The following MLANA variants were observed in gnomAD, a reference collection of about 807,000 sequenced individuals.
MLANA encodes melanoma antigen recognized by T-cells 1.
Under a neutral mutation model 15.7 loss-of-function variants are expected in MLANA, and 21 were observed. That is an observed-to-expected ratio of 1.33 (90% CI 0.95 to 1.92). The LOEUF (loss-of-function observed/expected upper bound fraction) is 1.92, where lower values mean the gene tolerates loss of function less well. MLANA is among the 40% of genes most tolerant of loss of function. The pLI is 0.00. For missense variants in MLANA, 164 were observed against 143.8 expected, an observed-to-expected ratio of 1.14 and a Z score of -0.72; for synonymous variants, 56 against 51.5, an observed-to-expected ratio of 1.09 and a Z score of -0.37.
intron 2 of MLANA, among the ~76,000 whole-genome samples, chr9:5,893,567 T>C (rs2150703): frequency 0.93 from 141,734 of 152,206 alleles, 66,367 homozygotes; most frequent in Non-Finnish European, 0.99. Flanking sequence ...CGGCGGTATC[T>C]TCTCAGAAAA....
At chr9:5,899,330 C>T (rs1832260894) in intron 3 of MLANA, 1 of 152,152 alleles carries the variant, frequency 6.6e-6, no homozygotes, top group South Asian at 2.1e-4. Flanking sequence ...GTGAGAGATA[C>T]AACTCTGGAT....
intron 2 of MLANA, 142 bp from the exon 3 acceptor site, chr9:5,897,415 G>T (rs977904852): frequency 1.4e-6 from 1 of 715,002 alleles, no homozygotes; most frequent in Non-Finnish European, 2.4e-6. Context: ...GCCCAGTGTG[G>T]GAGGTGGGAA....
At chr9:5,892,751 GAAGATGGGAATGGTAT>G in intron 2 of MLANA, among the ~76,000 whole-genome samples, 200 bp downstream of exon 2, 1 of 152,326 alleles carries the variant, frequency 6.6e-6, no homozygotes, top group Middle Eastern at 3.4e-3. Context: ...AAACAGGCAG[GAAGATGGGAATGGTAT>G]AAGGTTGGAT....
intron 1 of MLANA, among the ~76,000 whole-genome samples, chr9:5,891,516 G>T (rs1322451951): frequency 6.6e-6 from 1 of 152,094 alleles, no homozygotes; most frequent in Non-Finnish European, 1.5e-5. Flanking sequence ...ACCTCTCCCT[G>T]TTGTTTTAAA....
At chr9:5,903,067 G>T (rs1010377659) in intron 3 of MLANA, among the ~76,000 whole-genome samples, 5 of 152,010 alleles carry the variant, frequency 3.3e-5, no homozygotes, top group Non-Finnish European at 7.4e-5. Flanking sequence ...TTTCTCCTGA[G>T]ATTTCTCCTT....
At chr9:5,905,091 T>A (rs989384437) in intron 3 of MLANA, among the ~76,000 whole-genome samples, 1 of 152,188 alleles carries the variant, frequency 6.6e-6, no homozygotes, top group Non-Finnish European at 1.5e-5. Flanking sequence ...CTTTTTTACT[T>A]TTTTTCAGTG....
At chr9:5,900,443 A>C (rs1027502565) in intron 3 of MLANA, among the ~76,000 whole-genome samples, 6 of 152,210 alleles carry the variant, frequency 3.9e-5, no homozygotes, top group Non-Finnish European at 7.3e-5. Flanking sequence ...GGAGATCAGC[A>C]GTCTAATAAG....
rs1480194777 is a variant in MLANA, at chr9:5,910,579, C to A, written c.*1871C>A. The A allele has an allele frequency of 1.3e-5, 2 of 152,192 alleles. No individual in the cohort carries two copies. Among genetic ancestry groups the A allele is most frequent in the Admixed American group, 6.6e-5 (1 of 15,266 alleles). The allele number at this position is 152,192 out of a possible 1,614,324, so 9.4% of individuals were successfully genotyped here. On this transcript the variant is annotated 3_prime_UTR_variant, in exon 5 of 5. Transcript: ENST00000381477. ...ACACTGAGGAACCTGTGGCTTGAAC[C>A]CTACATCCCTCCAGAACCCCCAGAC...
At chr9:5,893,241 A>G (rs978616105) in intron 2 of MLANA, among the ~76,000 whole-genome samples, 2 of 152,126 alleles carry the variant, frequency 1.3e-5, no homozygotes, top group African/African-American at 2.4e-5. Context: ...GGCTGCAGGG[A>G]CATACTCTGT....
rs1831716501 is a variant in MLANA at position 5,892,485 on chromosome 9, A to T, written c.11A>T (p.Glu4Val). 6.2e-7 allele frequency: 1 copy of T among 1,613,528 alleles called. No homozygotes were observed. Among genetic ancestry groups the T allele is most frequent in the Non-Finnish European group, 8.5e-7 (1 of 1,179,798 alleles). Residue 4 changes from glutamate to valine, a missense_variant, in exon 2 of 5, where the codon GAA becomes GTA. Physicochemically the swap from Glu to Val is moderately radical, Grantham distance 121. Transcript: ENST00000381477. ...CCCTGACCCTACAAGATGCCAAGAG[A>T]AGATGCTCACTTCATCTATGGTTAC... MPR[E>V]DAHFIYGYPK... is the part of the protein sequence containing the mutation.
chr9:5,892,413 G>C, intron 1 of MLANA, 37 bp from the exon 2 acceptor site: 1 of 1,488,302 alleles, frequency 6.7e-7, no homozygotes, highest in South Asian at 1.2e-5. Flanking sequence ...GGGTGGCTTT[G>C]GATGCATTAA....
At chr9:5,901,921 A>C (rs1292938946) in intron 3 of MLANA, among the ~76,000 whole-genome samples, 2 of 152,110 alleles carry the variant, frequency 1.3e-5, no homozygotes, top group Admixed American at 1.3e-4. Context: ...ACTTGCTAAT[A>C]TTTTGTTGAG....
At chr9:5,904,504 A>G (rs1381367777) in intron 3 of MLANA, among the ~76,000 whole-genome samples, 1 of 151,390 alleles carries the variant, frequency 6.6e-6, no homozygotes, top group Non-Finnish European at 1.5e-5. Flanking sequence ...AATCTCACTC[A>G]CTCTGTCGCC....
chr9:5,906,802 T>G, intron 3 of MLANA, 83 bp from the exon 4 acceptor site: 1 of 838,122 alleles, frequency 1.2e-6, no homozygotes, highest in Non-Finnish European at 1.8e-6. Flanking sequence ...AACTCATTCT[T>G]AAAACTTTGG....
intron 2 of MLANA, among the ~76,000 whole-genome samples, chr9:5,893,797 A>T (rs1250929830): frequency 1.3e-5 from 2 of 152,022 alleles, no homozygotes; most frequent in Non-Finnish European, 2.9e-5. Context: ...ATGGCTGAAG[A>T]TGTTGTGCCA....
intron 3 of MLANA, 79 bp from the exon 4 acceptor site, chr9:5,906,806 A>G: frequency 1.2e-6 from 1 of 866,766 alleles, no homozygotes. Flanking sequence ...CATTCTTAAA[A>G]CTTTGGCTTC....
chr9:5,908,900 T>C lies in MLANA; in HGVS notation c.*192T>C. On this transcript the variant is annotated 3_prime_UTR_variant, in exon 5 of 5. Coordinates refer to ENST00000381477, the MANE Select transcript of MLANA (RefSeq NM_005511.2). ...TCATGTGAGGAAATGATGAGAAATA[T>C]TAAATTGGGAAAACTCCATCAATAA... is the stretch of plus-strand genomic sequence containing the variant. 1 of 564,956 alleles carries C rather than the reference T, an allele frequency of 1.8e-6. No homozygotes were observed. Among genetic ancestry groups the C allele is most frequent in the Non-Finnish European group, 3.1e-6 (1 of 319,736 alleles). The allele number at this position is 564,956 out of a possible 1,614,324, so 35.0% of individuals were successfully genotyped here. A position where few individuals can be genotyped will look rare whatever the true frequency, so the allele number is the denominator to read the frequency against.
Position 5,897,607 on chromosome 9 carries a change from T to C in MLANA, c.128T>C (p.Ile43Thr). ...LTVILGVLLLIGCWYCRRRNG... is the reference protein window; with the variant it reads ...LTVILGVLLLTGCWYCRRRNG... ...GTGATCCTGGGAGTCTTACTGCTCA[T>C]CGGCTGTTGGTATTGTAGAAGACGA... Residue 43 changes from isoleucine to threonine, a missense_variant, in exon 3 of 5, where the codon ATC (isoleucine) becomes ACC (threonine). Transcript: ENST00000381477. The C allele has an allele frequency of 6.2e-7, 1 of 1,614,172 alleles. No individual in the cohort carries two copies. Among genetic ancestry groups the C allele is most frequent in the Non-Finnish European group, 8.5e-7 (1 of 1,179,964 alleles).
intron 3 of MLANA, among the ~76,000 whole-genome samples, chr9:5,901,801 C>T (rs750216925): frequency 4.0e-5 from 6 of 151,508 alleles, no homozygotes; most frequent in Non-Finnish European, 7.4e-5. Context: ...GGATTACAGG[C>T]GTGAGCCACC....
Sources: gnomAD v4.1 joint callset for allele counts (sites outside exome capture counted in the v4.1 genomes callset) on GRCh38, gnomAD v4.1.1 for gene constraint, MANE v1.5 for transcripts, NCBI Gene and HGNC (gene_info 2026-07-23, HGNC 2026-07-21) for gene names.